The following CFAP20DC variants were observed in gnomAD, a reference collection of about 807,000 sequenced individuals.
The protein encoded by CFAP20DC is CFAP20 domain containing.
In CFAP20DC, 84 loss-of-function variants were observed where a neutral mutation model predicts 101.7. The ratio of observed to expected loss-of-function variants is 0.83; its 90% CI spans 0.69 to 0.99. CFAP20DC has a LOEUF of 0.99. Among genes scored for constraint, CFAP20DC ranks in the 50% least tolerant of loss-of-function variants. CFAP20DC has a pLI of 0.00. For missense variants in CFAP20DC, 1,007 were observed against 970.3 expected (o/e 1.04, Z -0.50); for synonymous variants, 359 against 351.2 (o/e 1.02, Z -0.25).
intron 15 of CFAP20DC, among the ~76,000 whole-genome samples, chr3:58,762,320 T>C (rs545720819): frequency 4.9e-4 from 75 of 152,320 alleles, no homozygotes; most frequent in African/African-American, 1.8e-3. Context: ...CTGATCTTTG[T>C]TGGTTTAAAG....
intron 4 of CFAP20DC, among the ~76,000 whole-genome samples, chr3:59,029,998 A>G (rs768921544): frequency 2.6e-5 from 4 of 152,202 alleles, no homozygotes; most frequent in Non-Finnish European, 5.9e-5. Context: ...TCCAGTGGGC[A>G]TGGGAGACAT....
intron 4 of CFAP20DC, among the ~76,000 whole-genome samples, chr3:58,956,992 C>A (rs1169301271): frequency 6.6e-6 from 1 of 152,112 alleles, no homozygotes. Context: ...ATTATGGGAA[C>A]TACAATTCAA....
intron 12 of CFAP20DC, among the ~76,000 whole-genome samples, chr3:58,856,083 A>G (rs888087985): frequency 4.7e-5 from 7 of 149,462 alleles, no homozygotes; most frequent in Non-Finnish European, 1.0e-4. Context: ...ATAATACTGA[A>G]ATAGCTAAAG....
At chr3:58,787,566 G>A (rs2072468457) in intron 15 of CFAP20DC, among the ~76,000 whole-genome samples, 1 of 152,042 alleles carries the variant, frequency 6.6e-6, no homozygotes, top group African/African-American at 2.4e-5. Context: ...GTTCAACCAT[G>A]GTGGAGGACA....
intron 4 of CFAP20DC, among the ~76,000 whole-genome samples, chr3:59,028,460 G>A (rs930125094): frequency 1.3e-5 from 2 of 152,268 alleles, no homozygotes; most frequent in East Asian, 1.9e-4. Context: ...CTTATGAGAA[G>A]CCTCTTGAGA....
intron 7 of CFAP20DC, among the ~76,000 whole-genome samples, chr3:58,875,879 A>G (rs2108578431): frequency 6.6e-6 from 1 of 152,318 alleles, no homozygotes; most frequent in South Asian, 2.1e-4. Flanking sequence ...CAAAATTAAA[A>G]CTAAATACTT....
chr3:58,955,091 A>G (rs1193544087), intron 4 of CFAP20DC, among the ~76,000 whole-genome samples: 1 of 152,152 alleles, frequency 6.6e-6, no homozygotes, highest in Non-Finnish European at 1.5e-5. Context: ...TTAAGGACTT[A>G]TGCAACCATC....
At chr3:58,826,495 C>T (rs143018315) in intron 14 of CFAP20DC, among the ~76,000 whole-genome samples, 1,692 of 152,108 alleles carry the variant, frequency 0.011, 42 homozygotes, top group African/African-American at 0.038. Flanking sequence ...GTGATGTTTC[C>T]CTCCCTGTGT....
chr3:58,790,363 G>A (rs867082169), intron 15 of CFAP20DC, among the ~76,000 whole-genome samples: 1 of 152,272 alleles, frequency 6.6e-6, no homozygotes, highest in South Asian at 2.1e-4. Flanking sequence ...CCTGGCAAAG[G>A]CCCCACTCTC....
At chr3:58,765,490 C>CAAAAAAAAAAAAAAAAAAAAAAAAAAAAA (rs1337049385) in intron 15 of CFAP20DC, among the ~76,000 whole-genome samples, 8 of 81,802 alleles carry the variant, frequency 9.8e-5, no homozygotes, top group Admixed American at 2.7e-4. Context: ...AAAAAAAAAC[C>CAAAAAAAAAAAAAAAAAAAAAAAAAAAAA]AAAAAAAAAA....
chr3:58,798,668 C>T lies in CFAP20DC; in HGVS notation c.2237+7727G>A, dbSNP rs9828637. 9.9e-3 allele frequency among the ~76,000 whole-genome samples: 1,505 copies of T among 152,238 alleles called. 23 individuals are homozygous for T. Among genetic ancestry groups the T allele is most frequent in the African/African-American group, 0.035 (1,455 of 41,526 alleles). On this transcript the variant is annotated intron_variant, in intron 15 of 16. Transcript: ENST00000482387. ...AATGCCATCAAACAGCATTGCATGC[C>T]ACAGAGGAGTCTTTCACGAAAGGAA...
At position 59,032,549 on chromosome 3, in the gene CFAP20DC, G is replaced by A. The variant is rs537889164; in HGVS notation, c.278+7008C>T. ...CACCATTACTGAGGCTTGAGTAGGC[G>A]GTTTCCCCTCACAGTGAAAACAAAG... On this transcript the variant is annotated intron_variant, in intron 4 of 16. Coordinates refer to ENST00000482387, the MANE Select transcript of CFAP20DC (RefSeq NM_001394063.1). Among the ~76,000 whole-genome samples the A allele has an allele frequency of 2.2e-4, 33 of 152,214 alleles. No homozygotes were observed. The South Asian group carries it at 3.9e-3, about 18-fold the overall frequency.
At chr3:58,824,830 T>C (rs1252574826) in intron 14 of CFAP20DC, among the ~76,000 whole-genome samples, 3 of 151,670 alleles carry the variant, frequency 2.0e-5, no homozygotes, top group Non-Finnish European at 2.9e-5. Context: ...GTATGGGAAT[T>C]CTTTTTTTTT....
chr3:58,956,424 G>C (rs1683473292), intron 4 of CFAP20DC, among the ~76,000 whole-genome samples: 1 of 152,114 alleles, frequency 6.6e-6, no homozygotes, highest in Non-Finnish European at 1.5e-5. Context: ...GGTGGCTGTA[G>C]CCACAGGGCA....
chr3:58,794,729 A>C (rs1002869435), intron 15 of CFAP20DC, among the ~76,000 whole-genome samples: 4 of 152,142 alleles, frequency 2.6e-5, no homozygotes, highest in South Asian at 2.1e-4. Context: ...AGATGCTCCA[A>C]CTCTCTTTGG....
At chr3:58,747,175 A>G (rs2068263699) in intron 16 of CFAP20DC, among the ~76,000 whole-genome samples, 1 of 152,154 alleles carries the variant, frequency 6.6e-6, no homozygotes, top group South Asian at 2.1e-4. Context: ...TTCTACACAC[A>G]ATAAAGCCAT....
intron 7 of CFAP20DC, among the ~76,000 whole-genome samples, chr3:58,870,894 CAAAAAAAAAAAAA>C (rs548763648): frequency 4.7e-4 from 9 of 18,954 alleles, no homozygotes; most frequent in East Asian, 1.5e-3. Flanking sequence ...GACTCCGTCT[CAAAAAAAAAAAAA>C]AAAAAAAAAA....
chr3:58,863,827 G>A lies in CFAP20DC; in HGVS notation c.1324C>T (p.Leu442Phe). The A allele has an allele frequency of 1.2e-6, 2 of 1,614,216 alleles. No individual in the cohort carries two copies. Among genetic ancestry groups the A allele is most frequent in the Non-Finnish European group, 8.5e-7 (1 of 1,180,024 alleles). The change falls in exon 12 of 17, where the codon CTT (leucine) becomes TTT (phenylalanine). Residue 442 changes from leucine to phenylalanine, a missense_variant. Leu to Phe is a conservative substitution (Grantham distance 22). Coordinates refer to ENST00000482387, the MANE Select transcript of CFAP20DC (RefSeq NM_001394063.1). This position sits in a 1 kb window ranked among gnomAD's most constrained non-coding sequence, Gnocchi z 5.9. ...SYLASSRQSLLLGDDSCNPSH... is the reference protein window; with the variant it reads ...SYLASSRQSLFLGDDSCNPSH... Reference sequence around the variant, plus strand: ...GGGTTGCAGGAGTCATCACCCAGAAGTAGAGACTGTCTGCTGGATGCCAGA... The same window carrying A: ...GGGTTGCAGGAGTCATCACCCAGAAATAGAGACTGTCTGCTGGATGCCAGA...
At chr3:58,919,045 C>T (rs758159911) in intron 5 of CFAP20DC, among the ~76,000 whole-genome samples, 15 of 152,168 alleles carry the variant, frequency 9.9e-5, no homozygotes, top group Non-Finnish European at 2.1e-4. Flanking sequence ...CACCACCCAT[C>T]AAGACATAGG....
Sources: gnomAD v4.1 joint callset for allele counts (sites outside exome capture counted in the v4.1 genomes callset) on GRCh38, gnomAD v4.1.1 for gene constraint, Gnocchi (gnomAD v3.1) non-coding constraint, MANE v1.5 for transcripts, NCBI Gene and HGNC (gene_info 2026-07-23, HGNC 2026-07-21) for gene names.